Variants in ADAM22 observed in about 807,000 individuals in gnomAD.
ADAM22 encodes the protein disintegrin and metalloproteinase domain-containing protein 22.
ADAM22 carries 65 observed loss-of-function variants against 144.6 expected under a neutral mutation model. The ratio of observed to expected loss-of-function variants is 0.45; its 90% confidence interval spans 0.37 to 0.55. The LOEUF is 0.55. Ranked by LOEUF, ADAM22 falls within the 20% of genes least tolerant of loss-of-function variation. ADAM22 has a pLI of 0.00. For synonymous variants in ADAM22, 391 were observed against 412.6 expected, an observed-to-expected ratio of 0.95 and a Z score of 0.63; for missense variants, 974 against 1,184.9, an observed-to-expected ratio of 0.82 and a Z score of 2.61.
At chr7:87,943,997 A>G (rs924941710) in intron 2 of ADAM22, among the ~76,000 whole-genome samples, 2 of 152,188 alleles carry the variant, frequency 1.3e-5, no homozygotes, top group African/African-American at 2.4e-5. Flanking sequence ...AGGCCTTGAG[A>G]GCTCACATTT....
At chr7:88,013,268 G>T (rs1172043258) in intron 3 of ADAM22, among the ~76,000 whole-genome samples, 1 of 152,114 alleles carries the variant, frequency 6.6e-6, no homozygotes, top group Non-Finnish European at 1.5e-5. Context: ...CTGTGACTCT[G>T]TTCTCTGATA....
At chr7:88,153,377 T>C (rs762997023) in intron 21 of ADAM22, 51 bp downstream of exon 21, 3 of 1,484,488 alleles carry the variant, frequency 2.0e-6, no homozygotes, top group South Asian at 2.4e-5. Context: ...ATTACAAGTG[T>C]ACTTTTTTGA....
intron 29 of ADAM22, among the ~76,000 whole-genome samples, chr7:88,183,514 T>C (rs1185536104): frequency 1.3e-5 from 2 of 152,160 alleles, no homozygotes; most frequent in Non-Finnish European, 2.9e-5. Flanking sequence ...TACAGTGTTT[T>C]CTAGAGCAGT....
intron 7 of ADAM22, among the ~76,000 whole-genome samples, chr7:88,122,193 G>C (rs1313477765): frequency 1.3e-5 from 2 of 152,138 alleles, no homozygotes; most frequent in Non-Finnish European, 2.9e-5. Context: ...GCTGGCTTTT[G>C]GCTGATGGTT....
intron 3 of ADAM22, among the ~76,000 whole-genome samples, chr7:88,011,974 A>G (rs985786159): frequency 6.6e-6 from 1 of 150,470 alleles, no homozygotes; most frequent in African/African-American, 2.4e-5. Flanking sequence ...CTAATTATGC[A>G]TAAGTCACAC....
At chr7:87,954,553 T>C (rs1584564109) in intron 2 of ADAM22, among the ~76,000 whole-genome samples, 1 of 152,346 alleles carries the variant, frequency 6.6e-6, no homozygotes, top group Non-Finnish European at 1.5e-5. Flanking sequence ...TAACCCGACC[T>C]TTCTCTTTTG....
At chr7:88,109,637 T>C (rs896691044) in intron 5 of ADAM22, among the ~76,000 whole-genome samples, 1 of 151,618 alleles carries the variant, frequency 6.6e-6, no homozygotes, top group East Asian at 1.9e-4. Flanking sequence ...ACACAAGTCC[T>C]GGGAGCTCAC....
intron 4 of ADAM22, among the ~76,000 whole-genome samples, chr7:88,081,068 G>A (rs972298625): frequency 2.6e-5 from 4 of 152,272 alleles, no homozygotes; most frequent in South Asian, 4.2e-4. Flanking sequence ...TAACCTTGAC[G>A]AACATTGATG....
chr7:87,956,933 A>G (rs1481549781), intron 2 of ADAM22, among the ~76,000 whole-genome samples: 2 of 152,208 alleles, frequency 1.3e-5, no homozygotes, highest in African/African-American at 4.8e-5. Flanking sequence ...AAAGTATCGT[A>G]AAAATTACTT....
chr7:88,186,956 A>C (rs10269707), intron 30 of ADAM22, among the ~76,000 whole-genome samples: 259 of 152,338 alleles, frequency 1.7e-3, no homozygotes, highest in African/African-American at 5.9e-3. Flanking sequence ...TAAGCTTTTT[A>C]GTAGCTTTCT....
intron 25 of ADAM22, 64 bp from the exon 26 acceptor site, chr7:88,171,480 G>A: frequency 6.9e-7 from 1 of 1,448,790 alleles, no homozygotes; most frequent in Non-Finnish European, 9.4e-7. Flanking sequence ...GCTCCCTCTT[G>A]ATGTCCTTCC....
intron 3 of ADAM22, among the ~76,000 whole-genome samples, chr7:88,011,334 G>A (rs2129459741): frequency 6.6e-6 from 1 of 152,308 alleles, no homozygotes; most frequent in Middle Eastern, 3.4e-3. Flanking sequence ...AAGGTCAGGA[G>A]ATTGAGACCA....
At chr7:88,003,813 G>C (rs1327242484) in intron 3 of ADAM22, among the ~76,000 whole-genome samples, 1 of 152,170 alleles carries the variant, frequency 6.6e-6, no homozygotes. Context: ...TTTGGGAAAA[G>C]CTCTGCATTA....
chr7:88,038,220 A>G (rs1801996133), intron 3 of ADAM22, among the ~76,000 whole-genome samples: 1 of 152,324 alleles, frequency 6.6e-6, no homozygotes, highest in South Asian at 2.1e-4. Flanking sequence ...GATAAGTTTC[A>G]GGAATAATTG....
chr7:88,181,564 A>G lies in ADAM22; in HGVS notation c.2555A>G (p.Asp852Gly), dbSNP rs1410061099. The change falls in exon 28 of 32, where the codon GAC (aspartate) becomes GGC (glycine). Residue 852 changes from aspartate (D) to glycine (G), a missense_variant. Physicochemically the swap from Asp to Gly is moderately conservative, Grantham distance 94. Around this residue, in one of 2 missense-constraint regions of ADAM22, gnomAD observed 734 missense variants for 950.6 expected, o/e 0.77. Transcript: ENST00000413139. ...ATTCCAGACACAAAACATATTTCAG[A>G]CATCTGTGAAAATGGGCGACCTCGA... ...ERIPDTKHIS[D>G]ICENGRPRSN... 1.2e-6 allele frequency: 2 copies of G among 1,613,752 alleles called. No homozygotes were observed. Among genetic ancestry groups the G allele is most frequent in the Non-Finnish European group, 8.5e-7 (1 of 1,179,826 alleles).
intron 3 of ADAM22, among the ~76,000 whole-genome samples, chr7:88,007,726 TACACCTTATATAAAAATTAATTCAAG>T (rs1217763633): frequency 2.0e-5 from 3 of 152,208 alleles, no homozygotes; most frequent in Non-Finnish European, 4.4e-5. Flanking sequence ...ATCCCTTCCT[TACACCTTATATAAAAATTAATTCAAG>T]ATGGATTAAA....
chr7:88,167,045 C>T (rs1843119306), intron 24 of ADAM22, among the ~76,000 whole-genome samples: 2 of 152,086 alleles, frequency 1.3e-5, no homozygotes, highest in South Asian at 4.1e-4. Flanking sequence ...GATGACCTAG[C>T]CCTGCTGTCT....
At position 88,197,979 on chromosome 7, in the gene ADAM22, A is replaced by G. The variant is rs1403503644; in HGVS notation, c.*1488A>G. 1 of 152,192 alleles carries G rather than the reference A, an allele frequency of 6.6e-6. No individual in the cohort carries two copies. The highest frequency in any genetic ancestry group is 2.4e-5 in the African/African-American group (1 of 41,446). 9.4% of individuals were successfully genotyped at this position (152,192 alleles called of 1,614,324 possible). Reference sequence around the variant, plus strand: ...CCCTTCTTTAAAACCAAAGTTTGATAGCTGTTATAATGGCAGATCTGTCAT... The same window carrying G: ...CCCTTCTTTAAAACCAAAGTTTGATGGCTGTTATAATGGCAGATCTGTCAT... On this transcript the variant is annotated 3_prime_UTR_variant, in exon 32 of 32. Coordinates refer to ENST00000413139, the MANE Select transcript of ADAM22 (RefSeq NM_001324418.2).
chr7:88,006,460 G>T (rs556739420), intron 3 of ADAM22, among the ~76,000 whole-genome samples: 2,047 of 151,848 alleles, frequency 0.013, 20 homozygotes, highest in Admixed American at 0.019. Context: ...AAAGAGAATT[G>T]TAGACCAATA....
Sources: allele counts gnomAD v4.1 joint callset (sites outside exome capture counted in the v4.1 genomes callset), GRCh38; gene constraint gnomAD v4.1.1; regional missense constraint gnomAD v4.1.1; transcripts MANE v1.5; gene names NCBI Gene and HGNC (gene_info 2026-07-23, HGNC 2026-07-21).